The following TENM2 variants were observed in gnomAD, a reference collection of about 807,000 sequenced individuals.
TENM2 encodes the protein teneurin transmembrane protein 2.
Under a neutral mutation model 245.2 loss-of-function variants are expected in TENM2, and 52 were observed. The ratio of observed to expected loss-of-function variants is 0.21; its 90% confidence interval spans 0.17 to 0.27. The LOEUF (loss-of-function observed/expected upper bound fraction) is 0.27, where lower values mean the gene tolerates loss of function less well. Among genes scored for constraint, TENM2 ranks in the 10% least tolerant of loss-of-function variants. The pLI, the probability that TENM2 is intolerant of heterozygous loss-of-function variation, is 1.00. For synonymous variants in TENM2, 1,363 were observed against 1,438.9 expected (o/e 0.95, Z 1.19); for missense variants, 3,046 against 3,666.8 (o/e 0.83, Z 4.37).
intron 4 of TENM2, among the ~76,000 whole-genome samples, chr5:167,954,299 C>T (rs78006521): frequency 5.9e-5 from 9 of 152,010 alleles, no homozygotes; most frequent in Non-Finnish European, 8.8e-5. Context: ...CAAACTAACA[C>T]GAAAAATCTG....
chr5:168,025,451 G>A (rs116217804), intron 5 of TENM2, among the ~76,000 whole-genome samples: 7,250 of 152,220 alleles, frequency 0.048, 351 homozygotes, highest in African/African-American at 0.12. Context: ...TTAGTGTTGG[G>A]TAATTGTTCT....
chr5:167,815,878 T>G (rs1327109055), intron 2 of TENM2, among the ~76,000 whole-genome samples: 1 of 152,066 alleles, frequency 6.6e-6, no homozygotes, highest in Non-Finnish European at 1.5e-5. Flanking sequence ...TACATGACAC[T>G]GAGAAGATCT....
chr5:167,830,131 A>G (rs1482106720), intron 2 of TENM2, among the ~76,000 whole-genome samples: 8 of 152,328 alleles, frequency 5.3e-5, no homozygotes, highest in East Asian at 3.9e-4. Context: ...AATACTTTCA[A>G]TTTAAGAATG....
At chr5:167,669,260 G>C (rs574944250) in intron 2 of TENM2, among the ~76,000 whole-genome samples, 5 of 152,282 alleles carry the variant, frequency 3.3e-5, no homozygotes, top group Admixed American at 6.5e-5. Context: ...ATGGGAAAAA[G>C]AGTGATGCAT....
At chr5:168,129,170 A>T (rs1367514044) in intron 12 of TENM2, 1 of 152,192 alleles carries the variant, frequency 6.6e-6, no homozygotes, top group Non-Finnish European at 1.5e-5. Context: ...TGAAAAAGAG[A>T]TGGGAAGATG....
At chr5:167,648,840 T>C (rs1780147890) in intron 2 of TENM2, among the ~76,000 whole-genome samples, 1 of 152,208 alleles carries the variant, frequency 6.6e-6, no homozygotes, top group African/African-American at 2.4e-5. Context: ...GTTCTCAAAA[T>C]GCCTGTACTT....
At chr5:167,861,023 A>C in intron 2 of TENM2, among the ~76,000 whole-genome samples, 1 of 98,164 alleles carries the variant, frequency 1.0e-5, no homozygotes, top group African/African-American at 4.1e-5. Context: ...TGTGAGAAAC[A>C]CCCAAGAATT....
At chr5:167,338,211 T>G (rs1757891211) in intron 1 of TENM2, among the ~76,000 whole-genome samples, 1 of 152,244 alleles carries the variant, frequency 6.6e-6, no homozygotes, top group South Asian at 2.1e-4. Flanking sequence ...TTGCTTCTGC[T>G]TTTCCTACCC....
chr5:167,421,320 G>C (rs1274257781), intron 2 of TENM2, among the ~76,000 whole-genome samples: 3 of 152,180 alleles, frequency 2.0e-5, no homozygotes, highest in African/African-American at 7.2e-5. Flanking sequence ...TTCTGATAGA[G>C]TAGTCACTTA....
At chr5:167,614,455 C>T (rs1777658129) in intron 2 of TENM2, among the ~76,000 whole-genome samples, 1 of 152,052 alleles carries the variant, frequency 6.6e-6, no homozygotes, top group South Asian at 2.1e-4. Context: ...GCCCCAGGCC[C>T]CAGGCTTCTG....
chr5:167,747,878 T>G (rs1761700127), intron 2 of TENM2, among the ~76,000 whole-genome samples: 1 of 152,198 alleles, frequency 6.6e-6, no homozygotes, highest in South Asian at 2.1e-4. Context: ...CTGAATTTCA[T>G]TTCAAGTCCC....
At position 167,305,486 on chromosome 5, in the gene TENM2, A is replaced by T. The variant is rs924649855; in HGVS notation, c.226+20423A>T. Among the ~76,000 whole-genome samples the T allele has an allele frequency of 1.2e-4, 18 of 152,292 alleles. 1 individual carries two copies. The highest frequency in any genetic ancestry group is 1.0e-3 in the Admixed American group (16 of 15,294). ...CATCTTTACAAGGTCTTTTTTATCA[A>T]CCCTTCTCAGGAAACTCAGACAGCT... On this transcript the variant is annotated intron_variant, in intron 1 of 28. Transcript: ENST00000518659.
In TENM2 at chr5:167,339,405, A is replaced by G. The variant is rs561774372; in HGVS notation, c.227-35793A>G. ...CATCTCTATTCCTGGTTTCCTGATGAGATGGCTGATTAAGTCCATGAGTCA... is the reference window on the plus strand; with the variant it reads ...CATCTCTATTCCTGGTTTCCTGATGGGATGGCTGATTAAGTCCATGAGTCA... On this transcript the variant is annotated intron_variant, in intron 1 of 28. Transcript: ENST00000518659. Among the ~76,000 whole-genome samples the G allele has an allele frequency of 3.3e-5, 5 of 152,298 alleles. No individual in the cohort carries two copies. In the South Asian group the frequency reaches 6.2e-4, roughly 19 times the overall value.
At chr5:167,564,447 A>G (rs528409407) in intron 2 of TENM2, among the ~76,000 whole-genome samples, 44 of 152,312 alleles carry the variant, frequency 2.9e-4, no homozygotes, top group South Asian at 4.2e-4. Context: ...CCTCTGAGAT[A>G]AGGAGCTCAT....
chr5:167,509,687 A>C (rs1315925726), intron 2 of TENM2, among the ~76,000 whole-genome samples: 1 of 152,192 alleles, frequency 6.6e-6, no homozygotes, highest in African/African-American at 2.4e-5. Flanking sequence ...GCGAACATTG[A>C]CTGAGCACTT....
At chr5:168,081,304 T>A (rs1020633441) in intron 7 of TENM2, among the ~76,000 whole-genome samples, 40 of 152,200 alleles carry the variant, frequency 2.6e-4, no homozygotes, top group Non-Finnish European at 7.3e-5. Context: ...CCTCCCTCCC[T>A]TTATTTTGAG....
intron 2 of TENM2, among the ~76,000 whole-genome samples, chr5:167,726,209 G>A (rs912397676): frequency 1.3e-5 from 2 of 151,858 alleles, no homozygotes; most frequent in African/African-American, 4.8e-5. Context: ...TGAAAAGGGA[G>A]TTGATAATGC....
At chr5:167,115,516 A>G in the TENM2 span, among the ~76,000 whole-genome samples, 4 of 152,156 alleles carry the variant, frequency 2.6e-5, no homozygotes, top group Non-Finnish European at 5.9e-5. Flanking sequence ...GTATCACTAA[A>G]CTTGACTCAT....
chr5:167,352,940 C>T (rs1759019612), intron 1 of TENM2, among the ~76,000 whole-genome samples: 1 of 152,080 alleles, frequency 6.6e-6, no homozygotes, highest in Non-Finnish European at 1.5e-5. Flanking sequence ...GCAATGTGTC[C>T]CTGGACAGGA....
Sources: gnomAD v4.1 joint callset for allele counts (sites outside exome capture counted in the v4.1 genomes callset) on GRCh38, gnomAD v4.1.1 for gene constraint, MANE v1.5 for transcripts, NCBI Gene and HGNC (gene_info 2026-07-23, HGNC 2026-07-21) for gene names.